The following MYO16 variants were observed in gnomAD, a reference collection of about 807,000 sequenced individuals.
MYO16 encodes unconventional myosin-XVI.
In MYO16, 94 loss-of-function variants were observed where a neutral mutation model predicts 205.3. The ratio of observed to expected loss-of-function variants is 0.46; its 90% CI spans 0.39 to 0.54. MYO16 has a LOEUF of 0.54. Among genes scored for constraint, MYO16 ranks in the 20% least tolerant of loss-of-function variants. MYO16 has a pLI of 0.00. For synonymous variants in MYO16, 988 were observed against 954.0 expected, an observed-to-expected ratio of 1.04 and a Z score of -0.66; for missense variants, 2,315 against 2,387.5, an observed-to-expected ratio of 0.97 and a Z score of 0.63.
intron 7 of MYO16, among the ~76,000 whole-genome samples, chr13:108,809,761 A>G (rs1285439380): frequency 6.6e-6 from 1 of 152,200 alleles, no homozygotes; most frequent in Non-Finnish European, 1.5e-5. Flanking sequence ...TATATCAGGC[A>G]TTATGCCAGC....
intron 10 of MYO16, among the ~76,000 whole-genome samples, chr13:108,851,384 A>G (rs1195417998): frequency 6.6e-6 from 1 of 152,156 alleles, no homozygotes; most frequent in Non-Finnish European, 1.5e-5. Context: ...AAGAAAATAT[A>G]TTTACATCCA....
At chr13:108,916,585 C>T (rs1017082589) in intron 16 of MYO16, among the ~76,000 whole-genome samples, 11 of 152,180 alleles carry the variant, frequency 7.2e-5, no homozygotes, top group Admixed American at 1.3e-4. Flanking sequence ...AAACAAACTA[C>T]GCTAGGTCTT....
At chr13:109,155,072 A>G (rs1566538028) in intron 32 of MYO16, among the ~76,000 whole-genome samples, 1 of 152,152 alleles carries the variant, frequency 6.6e-6, no homozygotes, top group Admixed American at 6.5e-5. Context: ...TTTTCTGTGC[A>G]TTTTTGGGTA....
chr13:108,899,198 T>C (rs990935208), intron 15 of MYO16, among the ~76,000 whole-genome samples: 2 of 151,672 alleles, frequency 1.3e-5, no homozygotes, highest in Non-Finnish European at 2.9e-5. Context: ...CCGAGGCGGG[T>C]GGATTTCCTG....
At chr13:108,851,795 G>T (rs911519057) in intron 10 of MYO16, among the ~76,000 whole-genome samples, 2 of 152,038 alleles carry the variant, frequency 1.3e-5, no homozygotes, top group Admixed American at 6.5e-5. Flanking sequence ...AGCTGCCAGG[G>T]TGTCATCTTA....
Position 109,140,669 on chromosome 13 carries a change from C to G in MYO16, c.4457C>G (p.Pro1486Arg), listed in dbSNP as rs1175899986. 4.0e-6 allele frequency: 6 copies of G among 1,489,318 alleles called. No homozygotes were observed. The highest frequency in any genetic ancestry group is 2.8e-5 in the East Asian group (1 of 35,276). 92.3% of individuals were successfully genotyped at this position (1,489,318 alleles called of 1,614,324 possible). A position where few individuals can be genotyped will look rare whatever the true frequency, so the allele number is the denominator to read the frequency against. ...TCGCCGCCCCTGCTCCACCGCGCGC[C>G]GGAGGACGAGGCGGCGGGGCCCCCA... ...GASPPLLHRA[P>R]EDEAAGPPGD... Residue 1486 changes from proline (P) to arginine (R), a missense_variant, in exon 32 of 35, where the codon CCG becomes CGG. Pro to Arg is a moderately radical substitution (Grantham distance 103, BLOSUM62 -2). Coordinates refer to ENST00000457511, the MANE Select transcript of MYO16 (RefSeq NM_001198950.3). This position sits in a 1 kb window ranked among gnomAD's most constrained non-coding sequence, Gnocchi z 8.0.
intron 3 of MYO16, among the ~76,000 whole-genome samples, chr13:108,725,829 C>G (rs778146016): frequency 1.3e-5 from 2 of 152,180 alleles, no homozygotes; most frequent in Non-Finnish European, 2.9e-5. Flanking sequence ...TTTCAAGAGC[C>G]AGCCCTGGTC....
chr13:109,065,869 A>T (rs1887733207), intron 27 of MYO16, among the ~76,000 whole-genome samples: 1 of 152,210 alleles, frequency 6.6e-6, no homozygotes, highest in South Asian at 2.1e-4. Flanking sequence ...AGAGTAGGGT[A>T]ACTAAATGGA....
the MYO16 span, among the ~76,000 whole-genome samples, chr13:108,530,026 A>T: frequency 6.6e-6 from 1 of 152,298 alleles, no homozygotes; most frequent in African/African-American, 2.4e-5. Flanking sequence ...TAAGCCTCCC[A>T]CCTGGACAGG....
In MYO16 at chr13:108,901,843, T is replaced by C. The variant is rs544583580; in HGVS notation, c.1777+3710T>C. Among the ~76,000 whole-genome samples the C allele has an allele frequency of 1.7e-4, 26 of 152,314 alleles. 1 individual carries two copies. In the East Asian group the frequency reaches 5.0e-3, roughly 29 times the overall value. ...AACAAAGCTAGTGCTGAGATTGCATTCGTAGAAGTCTACCACCTAGATCAT... is the reference window on the plus strand; with the variant it reads ...AACAAAGCTAGTGCTGAGATTGCATCCGTAGAAGTCTACCACCTAGATCAT... On this transcript the variant is annotated intron_variant, in intron 15 of 34. Transcript: ENST00000457511.
At chr13:109,156,857 A>G (rs1360596148) in intron 32 of MYO16, among the ~76,000 whole-genome samples, 5 of 152,134 alleles carry the variant, frequency 3.3e-5, no homozygotes, top group Non-Finnish European at 4.4e-5. Context: ...CTCACACTCG[A>G]GAGTGTCTCT....
chr13:109,031,848 C>T (rs1886555779), intron 23 of MYO16, among the ~76,000 whole-genome samples: 1 of 152,182 alleles, frequency 6.6e-6, no homozygotes, highest in African/African-American at 2.4e-5. Context: ...TTGGCACTCA[C>T]AGACCCAATT....
At chr13:108,940,002 C>T (rs1420025669) in intron 16 of MYO16, among the ~76,000 whole-genome samples, 2 of 152,134 alleles carry the variant, frequency 1.3e-5, no homozygotes, top group Admixed American at 6.6e-5. Flanking sequence ...AACAGAACAA[C>T]ATGCAATAAT....
intron 2 of MYO16, among the ~76,000 whole-genome samples, chr13:108,678,009 G>C (rs1296763851): frequency 1.3e-5 from 2 of 152,202 alleles, no homozygotes; most frequent in Non-Finnish European, 2.9e-5. Context: ...GCTGCTTAGT[G>C]TACAAGTGCA....
intron 27 of MYO16, among the ~76,000 whole-genome samples, chr13:109,094,578 A>G (rs1479038077): frequency 6.6e-6 from 1 of 152,190 alleles, no homozygotes; most frequent in Admixed American, 6.5e-5. Context: ...CAAAACGTAC[A>G]GGTTTGTTAC....
Position 109,125,413 on chromosome 13 carries a change from C to T in MYO16, c.3782+55C>T. 6.3e-7 allele frequency: 1 copy of T among 1,594,188 alleles called. No homozygotes were observed. Among genetic ancestry groups the T allele is most frequent in the Non-Finnish European group, 8.6e-7 (1 of 1,168,358 alleles). On this transcript the variant is annotated intron_variant, in intron 30 of 34. Transcript: ENST00000457511. This position sits in a 1 kb window ranked among gnomAD's most constrained non-coding sequence, Gnocchi z 4.0. Reference sequence around the variant, plus strand: ...ACCTTTGTGATTGGTTCAGTGGAGTCATGAAAATTCAAATAGCCCTTAATG... The same window carrying T: ...ACCTTTGTGATTGGTTCAGTGGAGTTATGAAAATTCAAATAGCCCTTAATG...
chr13:108,793,450 G>A (rs1886683995), intron 5 of MYO16, 66 bp from the exon 6 acceptor site: 1 of 1,513,046 alleles, frequency 6.6e-7, no homozygotes, highest in African/African-American at 1.4e-5. Context: ...TATAAAGCTA[G>A]GCTTTGACCC....
At chr13:109,179,266 A>G (rs1423408482) in intron 33 of MYO16, among the ~76,000 whole-genome samples, 1 of 152,122 alleles carries the variant, frequency 6.6e-6, no homozygotes, top group Non-Finnish European at 1.5e-5. Context: ...TCTCCCCTCC[A>G]ATACTTATCT....
intron 27 of MYO16, among the ~76,000 whole-genome samples, chr13:109,059,149 C>A (rs1450769862): frequency 6.6e-6 from 1 of 152,162 alleles, no homozygotes; most frequent in South Asian, 2.1e-4. Flanking sequence ...AGATGGGAAT[C>A]AATTGCTTCC....
Sources: gnomAD v4.1 joint callset for allele counts (sites outside exome capture counted in the v4.1 genomes callset) on GRCh38, gnomAD v4.1.1 for gene constraint, Gnocchi (gnomAD v3.1) non-coding constraint, MANE v1.5 for transcripts, NCBI Gene and HGNC (gene_info 2026-07-23, HGNC 2026-07-21) for gene names.